The following SCUBE1 variants were observed in gnomAD, a reference collection of about 807,000 sequenced individuals.
The protein encoded by SCUBE1 is signal peptide, CUB domain and EGF like domain containing 1.
Under a neutral mutation model 124.4 loss-of-function variants are expected in SCUBE1, and 59 were observed. The ratio of observed to expected loss-of-function variants is 0.47; its 90% CI spans 0.38 to 0.59. The LOEUF (loss-of-function observed/expected upper bound fraction) is 0.59. Ranked by LOEUF, SCUBE1 falls within the 20% of genes least tolerant of loss-of-function variation. SCUBE1 has a pLI of 0.00. For synonymous variants in SCUBE1, 545 were observed against 550.9 expected, an observed-to-expected ratio of 0.99 and a Z score of 0.15; for missense variants, 1,150 against 1,371.2, an observed-to-expected ratio of 0.84 and a Z score of 2.55.
At chr22:43,251,829 G>A (rs1488918312) in intron 6 of SCUBE1, among the ~76,000 whole-genome samples, 3 of 152,216 alleles carry the variant, frequency 2.0e-5, no homozygotes, top group East Asian at 3.8e-4. Flanking sequence ...AAGAGGAGCG[G>A]AATGCTCCAC....
In SCUBE1 at chr22:43,253,085, C is replaced by G. The variant is rs375898718; in HGVS notation, c.727+5134G>C. Among the ~76,000 whole-genome samples, 2 of 140,828 alleles carry G rather than the reference C, an allele frequency of 1.4e-5. 1 individual carries two copies. The highest frequency in any genetic ancestry group is 3.0e-5 in the Non-Finnish European group (2 of 66,346). 92.4% of individuals were successfully genotyped at this position (140,828 alleles called of 152,430 possible). On this transcript the variant is annotated intron_variant, in intron 6 of 21. Transcript: ENST00000360835. Reference sequence around the variant, plus strand: ...AGGATGGGAACGGTCACCTCCCTACCTAAGTCCGTACCTTGCCTCTATTAA... The same window carrying G: ...AGGATGGGAACGGTCACCTCCCTACGTAAGTCCGTACCTTGCCTCTATTAA...
chr22:43,288,515 T>C (rs903985765), intron 4 of SCUBE1, among the ~76,000 whole-genome samples: 14 of 152,198 alleles, frequency 9.2e-5, no homozygotes, highest in African/African-American at 2.7e-4. Context: ...CTTCGTGCTC[T>C]CTGCTCCTTC....
At chr22:43,324,820 C>T (rs1168692038) in intron 2 of SCUBE1, among the ~76,000 whole-genome samples, 1 of 151,154 alleles carries the variant, frequency 6.6e-6, no homozygotes, top group Admixed American at 6.6e-5. Flanking sequence ...GATGTTTATT[C>T]TTAAAGGGCT....
intron 3 of SCUBE1, among the ~76,000 whole-genome samples, chr22:43,296,762 G>A (rs80242655): frequency 0.014 from 1,933 of 138,582 alleles, 16 homozygotes; most frequent in Non-Finnish European, 0.024. Context: ...TCCCTCTTCC[G>A]GGCCAAGGCT....
At position 43,291,113 on chromosome 22, in the gene SCUBE1, G is replaced by A. The variant is rs748542019; in HGVS notation, c.417C>T (p.Tyr139=). The part of the protein sequence containing the change: ...QQICVNAMGS[Y]ECQCHSGFFL... ...AGAAGCCACTGTGGCACTGACACTC[G>A]TAGCTGCCCATGGCATTGACGCAGA... The change falls in exon 4 of 22, where the codon TAC becomes TAT. Residue 139 remains tyrosine, a synonymous_variant. Transcript: ENST00000360835. The A allele has an allele frequency of 3.1e-5, 50 of 1,613,808 alleles. No individual in the cohort carries two copies. The highest frequency in any genetic ancestry group is 4.4e-5 in the South Asian group (4 of 91,054).
At position 43,281,484 on chromosome 22, in the gene SCUBE1, CTTT is replaced by C. The variant is rs543852470; in HGVS notation, c.484+9559_484+9561del. 7.6e-3 allele frequency among the ~76,000 whole-genome samples: 757 copies of C among 100,048 alleles called. 82 individuals carry two copies. The highest frequency in any genetic ancestry group is 0.04 in the African/African-American group (569 of 14,252). 65.6% of individuals were successfully genotyped at this position (100,048 alleles called of 152,430 possible). A position where few individuals can be genotyped will look rare whatever the true frequency, so the allele number is the denominator to read the frequency against. On this transcript the variant is annotated intron_variant, in intron 4 of 21. Transcript: ENST00000360835. ...TCAGCCACCCTCCTGTCACCTCCCT[CTTT>C]GGCCACCCTCCTGTCACCTCCTCCT...
chr22:43,208,450 C>T (rs1921392851), intron 19 of SCUBE1, among the ~76,000 whole-genome samples: 1 of 152,188 alleles, frequency 6.6e-6, no homozygotes, highest in South Asian at 2.1e-4. Flanking sequence ...TCCCCTCTTC[C>T]AGGAAGCCTC....
chr22:43,217,685 T>C (rs529436575), intron 15 of SCUBE1, among the ~76,000 whole-genome samples: 1 of 152,292 alleles, frequency 6.6e-6, no homozygotes, highest in Non-Finnish European at 1.5e-5. Flanking sequence ...CGCACGGGCA[T>C]GTGAGCTCCA....
At chr22:43,253,806 C>T (rs1233229178) in intron 6 of SCUBE1, among the ~76,000 whole-genome samples, 2 of 152,228 alleles carry the variant, frequency 1.3e-5, no homozygotes, top group African/African-American at 4.8e-5. Context: ...CGCGGGGTAC[C>T]TAAGGGGCCC....
intron 4 of SCUBE1, among the ~76,000 whole-genome samples, chr22:43,266,044 T>C (rs570228840): frequency 3.9e-5 from 6 of 152,106 alleles, no homozygotes; most frequent in African/African-American, 1.4e-4. Context: ...GAGGCTGCAG[T>C]GAGCTGAGAT....
At chr22:43,322,964 A>G (rs1926606493) in intron 2 of SCUBE1, among the ~76,000 whole-genome samples, 1 of 152,222 alleles carries the variant, frequency 6.6e-6, no homozygotes, top group African/African-American at 2.4e-5. Flanking sequence ...AACAAACTAA[A>G]GTGCAGAGAA....
intron 5 of SCUBE1, among the ~76,000 whole-genome samples, chr22:43,261,390 G>A (rs906010934): frequency 2.6e-5 from 4 of 152,208 alleles, no homozygotes; most frequent in Admixed American, 1.3e-4. Flanking sequence ...AAGGTGGTCC[G>A]CCTCTTGGAC....
chr22:43,221,099 G>A, intron 13 of SCUBE1, 74 bp downstream of exon 13: 2 of 1,214,274 alleles, frequency 1.6e-6, no homozygotes, highest in Non-Finnish European at 2.4e-6. Context: ...TGGACCCTGG[G>A]GCCCCAGCTC....
At chr22:43,314,554 A>C (rs1926279004) in intron 3 of SCUBE1, among the ~76,000 whole-genome samples, 2 of 151,784 alleles carry the variant, frequency 1.3e-5, no homozygotes, top group Non-Finnish European at 2.9e-5. Flanking sequence ...CACGCCTACC[A>C]CTCCACATTA....
intron 6 of SCUBE1, among the ~76,000 whole-genome samples, chr22:43,248,180 G>A (rs1226616738): frequency 6.6e-6 from 1 of 152,192 alleles, no homozygotes; most frequent in East Asian, 1.9e-4. Flanking sequence ...CATTAGATGA[G>A]AGTTGAGGAC....
At chr22:43,284,399 G>A (rs140256704) in intron 4 of SCUBE1, among the ~76,000 whole-genome samples, 11 of 152,332 alleles carry the variant, frequency 7.2e-5, no homozygotes, top group Middle Eastern at 3.4e-3. Flanking sequence ...AGGCATACTC[G>A]GTACCTGGAG....
intron 6 of SCUBE1, among the ~76,000 whole-genome samples, chr22:43,242,789 G>A (rs1005362095): frequency 1.3e-5 from 2 of 152,186 alleles, no homozygotes; most frequent in African/African-American, 4.8e-5. Context: ...TTGTCTAGAG[G>A]CTTTCTCTCT....
At chr22:43,240,796 C>T (rs746180853) in intron 6 of SCUBE1, among the ~76,000 whole-genome samples, 7 of 152,146 alleles carry the variant, frequency 4.6e-5, no homozygotes, top group Non-Finnish European at 8.8e-5. Flanking sequence ...CCTCCTGCCT[C>T]CCACGCCCGA....
At chr22:43,249,304 C>A (rs562700266) in intron 6 of SCUBE1, among the ~76,000 whole-genome samples, 1 of 49,444 alleles carries the variant, frequency 2.0e-5, no homozygotes, top group Non-Finnish European at 3.9e-5. Context: ...GAGGTACGGG[C>A]GGGGTGGAGG....
Sources: gnomAD v4.1 joint callset for allele counts (sites outside exome capture counted in the v4.1 genomes callset) on GRCh38, gnomAD v4.1.1 for gene constraint, MANE v1.5 for transcripts, NCBI Gene and HGNC (gene_info 2026-07-23, HGNC 2026-07-21) for gene names.